Variants in CCND3 observed in about 807,000 individuals in gnomAD.
CCND3 encodes the protein G1/S-specific cyclin-D3.
In CCND3, 9 loss-of-function variants were observed where a neutral mutation model predicts 28.7. That is an observed-to-expected ratio of 0.31 (90% CI 0.19 to 0.55). The LOEUF is 0.55. CCND3 is among the 20% of genes least tolerant of loss of function. The pLI is 0.93. For missense variants in CCND3, 315 were observed against 385.8 expected (o/e 0.82, Z 1.54); for synonymous variants, 164 against 163.9 (o/e 1.00, Z 0.00).
chr6:42,031,822 T>C (rs1764053226), intron 1 of CCND3, among the ~76,000 whole-genome samples: 1 of 151,524 alleles, frequency 6.6e-6, no homozygotes, highest in African/African-American at 2.4e-5. Flanking sequence ...TCTTTTTTTT[T>C]TTTTTTTTTT....
At chr6:42,036,735 G>T (rs975623490) in intron 1 of CCND3, among the ~76,000 whole-genome samples, 43 of 151,636 alleles carry the variant, frequency 2.8e-4, no homozygotes, top group African/African-American at 9.9e-4. Context: ...ATACCTGCCT[G>T]AGGCCAAATT....
At chr6:41,964,416 G>A (rs554073483) in intron 1 of CCND3, among the ~76,000 whole-genome samples, 19 of 151,832 alleles carry the variant, frequency 1.3e-4, no homozygotes, top group African/African-American at 4.6e-4. Flanking sequence ...GTGTGTCTGT[G>A]TGTGAATGTG....
At chr6:42,028,027 G>A (rs1057026472) in intron 1 of CCND3, among the ~76,000 whole-genome samples, 3 of 152,154 alleles carry the variant, frequency 2.0e-5, no homozygotes, top group South Asian at 2.1e-4. Context: ...GATTACAGGC[G>A]TGAGACACCA....
At chr6:42,046,774 G>A (rs1764557462) in intron 1 of CCND3, among the ~76,000 whole-genome samples, 1 of 152,158 alleles carries the variant, frequency 6.6e-6, no homozygotes, top group African/African-American at 2.4e-5. Context: ...GCTAACAGAT[G>A]GCTGTATCAT....
intron 1 of CCND3, among the ~76,000 whole-genome samples, chr6:41,958,608 T>C (rs1776496209): frequency 6.6e-6 from 1 of 152,218 alleles, no homozygotes; most frequent in African/African-American, 2.4e-5. Flanking sequence ...TCTTACTAAT[T>C]TACCTTTACT....
intron 1 of CCND3, among the ~76,000 whole-genome samples, chr6:42,013,339 A>G (rs9349211): frequency 0.38 from 57,942 of 151,998 alleles, 11,212 homozygotes; most frequent in African/African-American, 0.44. Flanking sequence ...GTTAACTGCC[A>G]TTGGTCTCAG....
chr6:41,990,103 T>C (rs1473269132), intron 1 of CCND3, among the ~76,000 whole-genome samples: 8 of 152,102 alleles, frequency 5.3e-5, no homozygotes, highest in East Asian at 1.9e-4. Context: ...TCAGTAAAGT[T>C]GCAGGATACA....
intron 1 of CCND3, among the ~76,000 whole-genome samples, chr6:42,004,041 G>C (rs1763105831): frequency 6.7e-6 from 1 of 148,600 alleles, no homozygotes; most frequent in South Asian, 2.1e-4. Flanking sequence ...AATGACATTA[G>C]AGATCTTAAA....
intron 1 of CCND3, among the ~76,000 whole-genome samples, chr6:41,977,859 A>C (rs1762226010): frequency 1.3e-5 from 2 of 152,150 alleles, no homozygotes; most frequent in Non-Finnish European, 2.9e-5. Flanking sequence ...CTAACCTCCC[A>C]GCCTGGCCAA....
Position 41,941,661 on chromosome 6 carries a change from G to A in CCND3, c.-12C>T. The A allele has an allele frequency of 1.4e-6, 2 of 1,421,086 alleles. No homozygotes were observed. Among genetic ancestry groups the A allele is most frequent in the African/African-American group, 1.5e-5 (1 of 67,038 alleles). The allele number at this position is 1,421,086 out of a possible 1,614,324, so 88.0% of individuals were successfully genotyped here. A position where few individuals can be genotyped will look rare whatever the true frequency, so the allele number is the denominator to read the frequency against. ...CACAGCAGCTCCATACTCGGGCAGC[G>A]AACAGGCAGGGCGGGAGTGCGGGCT... On this transcript the variant is annotated 5_prime_UTR_variant, in exon 1 of 5. Transcript: ENST00000372991. This position sits in a 1 kb window ranked among gnomAD's most constrained non-coding sequence, Gnocchi z 6.1.
chr6:41,996,481 C>T (rs909111831), intron 1 of CCND3, among the ~76,000 whole-genome samples: 5 of 151,852 alleles, frequency 3.3e-5, no homozygotes, highest in Non-Finnish European at 7.4e-5. Flanking sequence ...AAATCTTCCT[C>T]ATATGTGGGT....
chr6:41,952,756 C>G (rs528345552), intron 1 of CCND3, among the ~76,000 whole-genome samples: 20 of 152,258 alleles, frequency 1.3e-4, no homozygotes, highest in African/African-American at 4.8e-4. Flanking sequence ...AATGCCAGAG[C>G]CCACGCTCTA....
upstream of CCND3, among the ~76,000 whole-genome samples, chr6:41,943,410 T>C (rs1314012380): frequency 6.6e-6 from 1 of 152,182 alleles, no homozygotes; most frequent in Non-Finnish European, 1.5e-5. Context: ...AAAAAAATAC[T>C]GTTAACACTT....
chr6:42,045,407 C>T (rs893700196), intron 1 of CCND3, among the ~76,000 whole-genome samples: 2 of 152,196 alleles, frequency 1.3e-5, no homozygotes, highest in Non-Finnish European at 2.9e-5. Flanking sequence ...GAGGTGTTTA[C>T]TACCTAGAGT....
At chr6:42,045,916 A>T (rs948696609) in intron 1 of CCND3, among the ~76,000 whole-genome samples, 1 of 152,218 alleles carries the variant, frequency 6.6e-6, no homozygotes, top group African/African-American at 2.4e-5. Flanking sequence ...GGGCGTGCCA[A>T]GGGCTCCGCT....
At chr6:41,958,646 G>A (rs1776497217) in intron 1 of CCND3, among the ~76,000 whole-genome samples, 1 of 152,120 alleles carries the variant, frequency 6.6e-6, no homozygotes, top group South Asian at 2.1e-4. Context: ...CAAGTATGTG[G>A]GTTTGGGGCT....
chr6:42,041,281 G>A (rs986518393), intron 1 of CCND3, among the ~76,000 whole-genome samples: 3 of 152,222 alleles, frequency 2.0e-5, no homozygotes, highest in Admixed American at 6.5e-5. Context: ...GGCCCAGGCC[G>A]GAAAAGGCTG....
chr6:42,040,879 C>CAA (rs575544643), intron 1 of CCND3, among the ~76,000 whole-genome samples: 16 of 140,700 alleles, frequency 1.1e-4, no homozygotes, highest in South Asian at 8.9e-4. Context: ...AAAAAAAAAA[C>CAA]AAAAAAAAAA....
intron 1 of CCND3, among the ~76,000 whole-genome samples, chr6:41,977,488 T>C (rs1762216853): frequency 6.6e-6 from 1 of 151,974 alleles, no homozygotes; most frequent in Admixed American, 6.6e-5. Flanking sequence ...TGCCTCAGCC[T>C]CCAAAGTAGC....
Sources: gnomAD v4.1 joint callset for allele counts (sites outside exome capture counted in the v4.1 genomes callset) on GRCh38, gnomAD v4.1.1 for gene constraint, Gnocchi (gnomAD v3.1) non-coding constraint, MANE v1.5 for transcripts, NCBI Gene and HGNC (gene_info 2026-07-23, HGNC 2026-07-21) for gene names.